Variants in GPR158 observed in about 807,000 individuals in gnomAD.
GPR158 encodes the protein G protein-coupled receptor 158.
A neutral mutation model predicts 78.2 loss-of-function variants in GPR158; 30 were observed. That is an observed-to-expected ratio of 0.38 (90% CI 0.29 to 0.52). The LOEUF (loss-of-function observed/expected upper bound fraction) is 0.52, where lower values mean the gene tolerates loss of function less well. GPR158 is among the 20% of genes least tolerant of loss of function. The probability of loss-of-function intolerance (pLI) is 0.83; values close to 1 mark genes in which losing one functional copy is unlikely to be tolerated. For synonymous variants in GPR158, 581 were observed against 591.1 expected (o/e 0.98, Z 0.25); for missense variants, 1,463 against 1,523.5 (o/e 0.96, Z 0.66).
intron 2 of GPR158, among the ~76,000 whole-genome samples, chr10:25,372,061 C>G (rs946517317): frequency 3.4e-5 from 5 of 148,790 alleles, no homozygotes; most frequent in African/African-American, 5.0e-5. Context: ...TGAACAGACA[C>G]TTCTCAAAAG....
At chr10:25,333,168 C>T (rs935884359) in intron 2 of GPR158, among the ~76,000 whole-genome samples, 2 of 152,014 alleles carry the variant, frequency 1.3e-5, no homozygotes, top group African/African-American at 2.4e-5. Flanking sequence ...AACTCTTCTT[C>T]GTATGACTTT....
At chr10:25,293,491 G>C (rs1397584783) in intron 2 of GPR158, among the ~76,000 whole-genome samples, 1 of 152,142 alleles carries the variant, frequency 6.6e-6, no homozygotes, top group Non-Finnish European at 1.5e-5. Flanking sequence ...CTCAAAAAGG[G>C]TTAGCCATTC....
intron 2 of GPR158, among the ~76,000 whole-genome samples, chr10:25,370,823 C>A (rs1229449404): frequency 6.6e-6 from 1 of 151,318 alleles, no homozygotes; most frequent in African/African-American, 2.4e-5. Flanking sequence ...GTAGGTCACT[C>A]AGGACTTGCT....
In GPR158 at chr10:25,433,585, G is replaced by A. The variant is rs183458092; in HGVS notation, c.1335+21112G>A. Among the ~76,000 whole-genome samples the A allele has an allele frequency of 2.5e-4, 37 of 147,926 alleles. No homozygotes were observed. In the East Asian group the frequency reaches 6.3e-3, roughly 25 times the overall value. ...TGTGTGTGTGTGCGCGCGCGCGTGC[G>A]CGTGCGCATATATGAATGTCAAGGT... On this transcript the variant is annotated intron_variant, in intron 4 of 10. Coordinates refer to ENST00000376351, the MANE Select transcript of GPR158 (RefSeq NM_020752.3).
intron 2 of GPR158, among the ~76,000 whole-genome samples, chr10:25,245,763 C>A (rs1853681644): frequency 6.6e-6 from 1 of 152,118 alleles, no homozygotes; most frequent in South Asian, 2.1e-4. Context: ...CCAACATAAT[C>A]TTTTATTAAA....
intron 5 of GPR158, among the ~76,000 whole-genome samples, chr10:25,537,557 C>A (rs1556665): frequency 0.54 from 82,555 of 151,880 alleles, 25,010 homozygotes; most frequent in African/African-American, 0.82. Flanking sequence ...TACACACATA[C>A]AATTTTATAT....
intron 2 of GPR158, among the ~76,000 whole-genome samples, chr10:25,364,340 T>C (rs1449690100): frequency 1.3e-5 from 2 of 151,784 alleles, no homozygotes; most frequent in African/African-American, 4.8e-5. Flanking sequence ...GCCAGAAATC[T>C]CCCCCTATTA....
chr10:25,515,007 T>C (rs1420101894), intron 5 of GPR158, among the ~76,000 whole-genome samples: 2 of 152,196 alleles, frequency 1.3e-5, no homozygotes, highest in African/African-American at 4.8e-5. Context: ...GATGATCTTT[T>C]TGTGATAAAT....
rs1837495396 is a variant in GPR158 at position 25,601,342 on chromosome 10, T to A, written c.*2068T>A. 1 of 152,612 alleles carries A rather than the reference T, an allele frequency of 6.6e-6. No individual in the cohort carries two copies. The highest frequency in any genetic ancestry group is 1.5e-5 in the Non-Finnish European group (1 of 68,034). 9.5% of individuals were successfully genotyped at this position (152,612 alleles called of 1,614,324 possible). A position where few individuals can be genotyped will look rare whatever the true frequency, so the allele number is the denominator to read the frequency against. On this transcript the variant is annotated 3_prime_UTR_variant, in exon 11 of 11. Coordinates refer to ENST00000376351, the MANE Select transcript of GPR158 (RefSeq NM_020752.3). The stretch of plus-strand genomic sequence containing the variant: ...TATTTTTGTGTCTTTACACCATTTA[T>A]TTCTTTTATCTCTTCCTTTTCAATG...
chr10:25,527,923 A>G (rs1406436515), intron 5 of GPR158, among the ~76,000 whole-genome samples: 1 of 152,118 alleles, frequency 6.6e-6, no homozygotes, highest in Non-Finnish European at 1.5e-5. Flanking sequence ...CTTGATGCCA[A>G]CAAAGTCCAC....
At chr10:25,564,770 T>C (rs1444184196) in intron 6 of GPR158, among the ~76,000 whole-genome samples, 1 of 152,182 alleles carries the variant, frequency 6.6e-6, no homozygotes, top group Non-Finnish European at 1.5e-5. Flanking sequence ...TTTTTGTTTT[T>C]TCTCTCTTAA....
At chr10:25,359,254 A>T (rs946927740) in intron 2 of GPR158, among the ~76,000 whole-genome samples, 2 of 151,814 alleles carry the variant, frequency 1.3e-5, no homozygotes, top group African/African-American at 4.8e-5. Flanking sequence ...CATGAAAGTT[A>T]CCTTCTTAAC....
chr10:25,189,088 C>A (rs1313991869), intron 1 of GPR158, among the ~76,000 whole-genome samples: 4 of 152,142 alleles, frequency 2.6e-5, no homozygotes, highest in African/African-American at 9.7e-5. Context: ...AGTGAGATAC[C>A]ATCTCACACC....
chr10:25,373,263 G>A (rs1834027838), intron 2 of GPR158, among the ~76,000 whole-genome samples: 2 of 151,804 alleles, frequency 1.3e-5, no homozygotes, highest in East Asian at 1.9e-4. Context: ...AAATTGGGAA[G>A]CAACAGACAC....
At chr10:25,408,631 A>C (rs141075131) in intron 3 of GPR158, among the ~76,000 whole-genome samples, 10 of 152,298 alleles carry the variant, frequency 6.6e-5, no homozygotes, top group Non-Finnish European at 1.2e-4. Flanking sequence ...TATCCAGTTC[A>C]TACTCGAGTG....
chr10:25,540,726 G>A (rs1836567671), intron 5 of GPR158, among the ~76,000 whole-genome samples: 1 of 151,626 alleles, frequency 6.6e-6, no homozygotes, highest in Non-Finnish European at 1.5e-5. Flanking sequence ...CTCACTCATA[G>A]GTGGGAATTG....
chr10:25,280,118 A>G (rs1461314368), intron 2 of GPR158, among the ~76,000 whole-genome samples: 1 of 152,210 alleles, frequency 6.6e-6, no homozygotes, highest in African/African-American at 2.4e-5. Flanking sequence ...TAGAAATGGA[A>G]CAAAAGAATT....
At chr10:25,407,322 G>T (rs1834528010) in intron 3 of GPR158, among the ~76,000 whole-genome samples, 1 of 152,176 alleles carries the variant, frequency 6.6e-6, no homozygotes, top group Non-Finnish European at 1.5e-5. Context: ...GGCAGAGTTT[G>T]GGGATAATTA....
intron 1 of GPR158, among the ~76,000 whole-genome samples, chr10:25,200,862 TGTTTTG>T (rs1564389596): frequency 1.4e-5 from 2 of 138,054 alleles, no homozygotes; most frequent in Non-Finnish European, 3.0e-5. Context: ...ATCTGTTTTT[TGTTTTG>T]TTTTTTTTTT....
Sources: gnomAD v4.1 joint callset for allele counts (sites outside exome capture counted in the v4.1 genomes callset) on GRCh38, gnomAD v4.1.1 for gene constraint, MANE v1.5 for transcripts, NCBI Gene and HGNC (gene_info 2026-07-23, HGNC 2026-07-21) for gene names.